The following RNF150 variants were observed in gnomAD, a reference collection of about 807,000 sequenced individuals.
The protein encoded by RNF150 is ring finger protein 150.
In RNF150, 24 loss-of-function variants were observed where a neutral mutation model predicts 39.3. The ratio of observed to expected loss-of-function variants is 0.61; its 90% CI spans 0.44 to 0.86. The LOEUF (loss-of-function observed/expected upper bound fraction) is 0.86. RNF150 is among the 40% of genes least tolerant of loss of function. The pLI, the probability that RNF150 is intolerant of heterozygous loss-of-function variation, is 0.00. For missense variants in RNF150, 502 were observed against 587.8 expected, an observed-to-expected ratio of 0.85 and a Z score of 1.51; for synonymous variants, 255 against 227.3, an observed-to-expected ratio of 1.12 and a Z score of -1.10.
At chr4:141,169,087 G>A (rs1727655907) in intron 1 of RNF150, among the ~76,000 whole-genome samples, 1 of 152,120 alleles carries the variant, frequency 6.6e-6, no homozygotes, top group African/African-American at 2.4e-5. Context: ...ACGTTGAATT[G>A]TAATTCCTCA....
chr4:141,038,488 G>A (rs1578657997), intron 1 of RNF150, among the ~76,000 whole-genome samples: 3 of 152,142 alleles, frequency 2.0e-5, no homozygotes, highest in East Asian at 1.9e-4. Flanking sequence ...CTAAGAGATC[G>A]AGATCAGCCT....
At chr4:141,135,073 G>A (rs947793490), upstream of RNF150, among the ~76,000 whole-genome samples, 4 of 152,218 alleles carry the variant, frequency 2.6e-5, no homozygotes, top group Non-Finnish European at 5.9e-5. Context: ...CAGGGCCATT[G>A]GGCTAATAAG....
intron 1 of RNF150, among the ~76,000 whole-genome samples, chr4:141,016,541 G>A (rs978492855): frequency 6.6e-6 from 1 of 152,256 alleles, no homozygotes; most frequent in South Asian, 2.1e-4. Context: ...TCACAGAGAT[G>A]TACCTATTGT....
intron 1 of RNF150, among the ~76,000 whole-genome samples, chr4:141,126,935 T>A (rs1471878942): frequency 6.6e-6 from 1 of 152,088 alleles, no homozygotes; most frequent in Non-Finnish European, 1.5e-5. Flanking sequence ...GGTCCCATTC[T>A]CCCATTACGT....
intron 1 of RNF150, among the ~76,000 whole-genome samples, chr4:141,188,853 A>T (rs748281275): frequency 2.5e-4 from 38 of 152,030 alleles, no homozygotes; most frequent in Non-Finnish European, 4.9e-4. Flanking sequence ...GGTTTTTATT[A>T]CCCACCTTCT....
rs184304560 is a variant in RNF150, at chr4:141,008,138, G to A, written c.485-40265C>T. Among the ~76,000 whole-genome samples, 48 of 152,284 alleles carry A rather than the reference G, an allele frequency of 3.2e-4. 2 individuals are homozygous for A. The highest frequency in any genetic ancestry group is 1.7e-3 in the East Asian group (9 of 5,190). ...ACATATTCTGTAGCTATCTGCTTTGGAGTCTCAGATTCTGGATTAGTTCAT... is the reference window on the plus strand; with the variant it reads ...ACATATTCTGTAGCTATCTGCTTTGAAGTCTCAGATTCTGGATTAGTTCAT... On this transcript the variant is annotated intron_variant, in intron 1 of 6. Coordinates refer to ENST00000515673, the MANE Select transcript of RNF150 (RefSeq NM_020724.2).
At chr4:140,986,504 A>G (rs1734021236) in intron 1 of RNF150, among the ~76,000 whole-genome samples, 1 of 152,136 alleles carries the variant, frequency 6.6e-6, no homozygotes, top group South Asian at 2.1e-4. Flanking sequence ...TCTCAGATGC[A>G]TCCACCATCA....
chr4:141,103,569 T>C (rs1294419149), intron 1 of RNF150, among the ~76,000 whole-genome samples: 1 of 152,152 alleles, frequency 6.6e-6, no homozygotes, highest in Non-Finnish European at 1.5e-5. Context: ...TCTAAGACTG[T>C]AGTTTTTAAA....
chr4:141,123,644 T>C (rs1361203772), intron 1 of RNF150, among the ~76,000 whole-genome samples: 1 of 152,192 alleles, frequency 6.6e-6, no homozygotes, highest in Non-Finnish European at 1.5e-5. Context: ...GTTGGTGTGT[T>C]GCACCCATTA....
At chr4:141,093,365 C>CA (rs71584393) in intron 1 of RNF150, among the ~76,000 whole-genome samples, 3,978 of 79,892 alleles carry the variant, frequency 0.05, 93 homozygotes, top group Middle Eastern at 0.2. Flanking sequence ...GACTCCATCT[C>CA]AAAAAAAAAA....
chr4:141,074,906 C>A (rs953148762), intron 1 of RNF150, among the ~76,000 whole-genome samples: 1 of 152,208 alleles, frequency 6.6e-6, no homozygotes, highest in Non-Finnish European at 1.5e-5. Context: ...CTTCTAAATA[C>A]CATGTGAATG....
intron 1 of RNF150, among the ~76,000 whole-genome samples, chr4:141,196,201 T>A (rs1315994392): frequency 6.6e-6 from 1 of 152,178 alleles, no homozygotes; most frequent in Non-Finnish European, 1.5e-5. Context: ...GTTTTTACCA[T>A]GCTGCAGTTC....
intron 1 of RNF150, among the ~76,000 whole-genome samples, chr4:141,067,544 G>A (rs1431881513): frequency 1.3e-5 from 2 of 152,188 alleles, no homozygotes; most frequent in African/African-American, 4.8e-5. Flanking sequence ...TTTAGTGTCT[G>A]TCTTATATGA....
At position 141,132,904 on chromosome 4, in the gene RNF150, CCTG is replaced by C; in HGVS notation, c.-99_-97del. 9.7e-7 allele frequency: 1 copy of C among 1,026,658 alleles called. No homozygotes were observed. The highest frequency in any genetic ancestry group is 1.5e-6 in the Non-Finnish European group (1 of 689,654). 63.6% of individuals were successfully genotyped at this position (1,026,658 alleles called of 1,614,324 possible). On this transcript the variant is annotated 5_prime_UTR_variant, in exon 1 of 7. Coordinates refer to ENST00000515673, the MANE Select transcript of RNF150 (RefSeq NM_020724.2). The surrounding 1 kb of genome is among the most constrained non-coding windows in gnomAD (Gnocchi z 4.9). ...CCAACCCCGGGCCGCTGCCTCTCCT[CCTG>C]CTGCTGCTCACTCCCGGGCCGGAGG...
intron 6 of RNF150, among the ~76,000 whole-genome samples, chr4:140,885,846 C>T (rs978060920): frequency 1.3e-5 from 2 of 152,110 alleles, no homozygotes; most frequent in South Asian, 2.1e-4. Flanking sequence ...TCAAGGGATC[C>T]GCCTGCCTCA....
chr4:141,029,616 C>A (rs1307221703), intron 1 of RNF150, among the ~76,000 whole-genome samples: 1 of 152,140 alleles, frequency 6.6e-6, no homozygotes, highest in Non-Finnish European at 1.5e-5. Context: ...AAAGTCAATG[C>A]TAATTTGGGC....
intron 4 of RNF150, among the ~76,000 whole-genome samples, chr4:140,929,558 G>A (rs1055660778): frequency 1.3e-5 from 2 of 151,768 alleles, no homozygotes; most frequent in Admixed American, 6.6e-5. Flanking sequence ...AGTAGAGACG[G>A]GGTTTCATCG....
chr4:141,045,279 A>G (rs1736529624), intron 1 of RNF150, among the ~76,000 whole-genome samples: 1 of 152,224 alleles, frequency 6.6e-6, no homozygotes, highest in African/African-American at 2.4e-5. Context: ...GTGTATAAGC[A>G]TTGTTTCTGA....
intron 1 of RNF150, among the ~76,000 whole-genome samples, chr4:141,159,596 G>A (rs749294491): frequency 1.3e-5 from 2 of 152,044 alleles, no homozygotes; most frequent in Admixed American, 1.3e-4. Flanking sequence ...TGGCTGGAGT[G>A]CAGTGGCGCA....
Sources: allele counts gnomAD v4.1 joint callset (sites outside exome capture counted in the v4.1 genomes callset), GRCh38; gene constraint gnomAD v4.1.1; non-coding constraint Gnocchi (gnomAD v3.1); transcripts MANE v1.5; gene names NCBI Gene and HGNC (gene_info 2026-07-23, HGNC 2026-07-21).